The following KATNIP variants were observed in gnomAD, a reference collection of about 807,000 sequenced individuals.
KATNIP encodes the protein katanin interacting protein.
KATNIP carries 126 observed loss-of-function variants against 174.0 expected under a neutral mutation model. That is an observed-to-expected ratio of 0.72 (90% CI 0.63 to 0.84). KATNIP has a LOEUF of 0.84. Ranked by LOEUF, KATNIP falls within the 40% of genes least tolerant of loss-of-function variation. The probability of loss-of-function intolerance (pLI) is 0.00; values close to 1 mark genes in which losing one functional copy is unlikely to be tolerated. For missense variants in KATNIP, 1,958 were observed against 2,109.7 expected (o/e 0.93, Z 1.41); for synonymous variants, 810 against 835.7 (o/e 0.97, Z 0.53).
At chr16:27,700,886 G>A (rs1488544268) in intron 10 of KATNIP, among the ~76,000 whole-genome samples, 1 of 152,212 alleles carries the variant, frequency 6.6e-6, no homozygotes, top group East Asian at 1.9e-4. Context: ...TCTGCCACTA[G>A]CCTGTGTTTC....
chr16:27,643,599 A>G (rs2076868915), intron 5 of KATNIP, among the ~76,000 whole-genome samples: 1 of 146,296 alleles, frequency 6.8e-6, no homozygotes, highest in Non-Finnish European at 1.5e-5. Context: ...TCAAAAAAAA[A>G]AAAAAAAAAA....
At chr16:27,575,308 A>G (rs553189546) in intron 2 of KATNIP, among the ~76,000 whole-genome samples, 15 of 152,356 alleles carry the variant, frequency 9.8e-5, no homozygotes, top group African/African-American at 3.4e-4. Flanking sequence ...TGAATAAGGA[A>G]GGTTGCAAGA....
chr16:27,738,086 C>T, intron 14 of KATNIP, among the ~76,000 whole-genome samples: 1 of 152,148 alleles, frequency 6.6e-6, no homozygotes, highest in East Asian at 1.9e-4. Flanking sequence ...ATGGAATATT[C>T]CTTAGCAGTA....
intron 6 of KATNIP, among the ~76,000 whole-genome samples, chr16:27,660,581 A>G (rs1213946234): frequency 6.6e-6 from 1 of 151,136 alleles, no homozygotes; most frequent in African/African-American, 2.4e-5. Flanking sequence ...CAACAAATCC[A>G]TCGATGGGAG....
chr16:27,716,581 GTA>G (rs961879716), intron 13 of KATNIP, among the ~76,000 whole-genome samples: 2 of 151,984 alleles, frequency 1.3e-5, no homozygotes, highest in African/African-American at 4.8e-5. Flanking sequence ...CTTGACATTG[GTA>G]TAATGTACAG....
chr16:27,691,263 C>T (rs2078723683), intron 8 of KATNIP, among the ~76,000 whole-genome samples: 1 of 152,202 alleles, frequency 6.6e-6, no homozygotes, highest in Non-Finnish European at 1.5e-5. Context: ...TGGTAAATTT[C>T]CTGAATTGAT....
chr16:27,725,923 G>A (rs12918071), intron 14 of KATNIP, among the ~76,000 whole-genome samples: 27,442 of 152,062 alleles, frequency 0.18, 2,781 homozygotes, highest in African/African-American at 0.28. Context: ...TTTGATAAAT[G>A]AATGCTACAT....
At chr16:27,657,064 T>C (rs554017775) in intron 6 of KATNIP, among the ~76,000 whole-genome samples, 4 of 152,250 alleles carry the variant, frequency 2.6e-5, no homozygotes, top group African/African-American at 4.8e-5. Flanking sequence ...TGAACTATAT[T>C]ATATTAGATA....
At chr16:27,679,273 G>A (rs2142779493) in intron 7 of KATNIP, among the ~76,000 whole-genome samples, 1 of 152,236 alleles carries the variant, frequency 6.6e-6, no homozygotes, top group African/African-American at 2.4e-5. Context: ...CTTGTAGACA[G>A]CCATCTTCTC....
intron 19 of KATNIP, among the ~76,000 whole-genome samples, chr16:27,765,957 C>T (rs2082106777): frequency 6.6e-6 from 1 of 151,924 alleles, no homozygotes; most frequent in South Asian, 2.1e-4. Flanking sequence ...ATATTGAATA[C>T]ATTTTCCTTC....
At position 27,775,003 on chromosome 16, in the gene KATNIP, C is replaced by A; in HGVS notation, c.4368C>A (p.Arg1456=). The A allele has an allele frequency of 6.2e-7, 1 of 1,613,812 alleles. No individual in the cohort carries two copies. The highest frequency in any genetic ancestry group is 1.1e-5 in the South Asian group (1 of 91,062). Residue 1456 remains arginine (R), a synonymous_variant, in exon 24 of 28, where the codon CGC becomes CGA. Transcript: ENST00000261588. ...TGGAGGGTGTGGGCGGGGACGTCCGCACCCCAGACAAGCTCATCGACCAAG... is the reference window on the plus strand; with the variant it reads ...TGGAGGGTGTGGGCGGGGACGTCCGAACCCCAGACAAGCTCATCGACCAAG... ...NSLEGVGGDV[R]TPDKLIDQVN...
At position 27,750,118 on chromosome 16, in the gene KATNIP, C is replaced by G. The variant is rs199699389; in HGVS notation, c.3158C>G (p.Thr1053Arg). The G allele has an allele frequency of 1.2e-6, 2 of 1,614,146 alleles. No individual in the cohort carries two copies. The highest frequency in any genetic ancestry group is 4.5e-5 in the East Asian group (2 of 44,866). Residue 1053 changes from threonine to arginine, a missense_variant, in exon 16 of 28, where the codon ACG becomes AGG. Physicochemically the swap from Thr to Arg is moderately conservative, Grantham distance 71. This residue lies in a region of KATNIP where 1,557 missense variants were observed against 1,617.8 expected (regional missense o/e 0.96). Coordinates refer to ENST00000261588, the MANE Select transcript of KATNIP (RefSeq NM_015202.5). ...ATGCATGTCTGGCTGGCCCCCTTCA[C>G]GCGGGGCAGATCCCACTCCATCACC... is the stretch of plus-strand genomic sequence containing the variant. ...DDMHVWLAPF[T>R]RGRSHSITID... is the part of the protein sequence containing the mutation.
chr16:27,632,135 T>G (rs2076507355), intron 5 of KATNIP, among the ~76,000 whole-genome samples: 2 of 152,228 alleles, frequency 1.3e-5, no homozygotes, highest in African/African-American at 2.4e-5. Context: ...TAGTTCTGGA[T>G]ATTTTACCTC....
chr16:27,659,147 G>T (rs970603610), intron 6 of KATNIP, among the ~76,000 whole-genome samples: 6 of 152,122 alleles, frequency 3.9e-5, no homozygotes, highest in African/African-American at 1.4e-4. Context: ...CTTTTAAGAA[G>T]ACAAGGAAGT....
intron 6 of KATNIP, among the ~76,000 whole-genome samples, chr16:27,669,620 G>A (rs1214330011): frequency 7.2e-5 from 11 of 152,220 alleles, no homozygotes; most frequent in Admixed American, 7.2e-4. Context: ...CATCTTTCCA[G>A]ATGGAAAGGT....
In KATNIP at chr16:27,771,617, G is replaced by A. The variant is rs962372345; in HGVS notation, c.4163G>A (p.Ser1388Asn). 4.3e-6 allele frequency: 7 copies of A among 1,613,510 alleles called. No homozygotes were observed. The African/African-American group carries it at 5.3e-5, about 12-fold the overall frequency. The change falls in exon 22 of 28, where the codon AGC becomes AAC. Residue 1388 changes from serine (S) to asparagine (N), a missense_variant. Around this residue, in one of 3 missense-constraint regions of KATNIP, gnomAD observed 383 missense variants for 456.0 expected, o/e 0.84. Coordinates refer to ENST00000261588, the MANE Select transcript of KATNIP (RefSeq NM_015202.5). ...GACATGAGAAGCCTGGAGTGTGCAAGCATGGACTACGAGGCACCGCTGATG... is the reference window on the plus strand; with the variant it reads ...GACATGAGAAGCCTGGAGTGTGCAAACATGGACTACGAGGCACCGCTGATG... The part of the protein sequence containing the change: ...RLDMRSLECA[S>N]MDYEAPLMPC...
intron 13 of KATNIP, among the ~76,000 whole-genome samples, chr16:27,720,423 G>A (rs959772518): frequency 6.6e-6 from 1 of 151,438 alleles, no homozygotes; most frequent in African/African-American, 2.4e-5. Context: ...TAATGAAAGG[G>A]CAGACATTAG....
At chr16:27,701,778 C>G (rs2079108245) in intron 11 of KATNIP, 83 bp downstream of exon 11, 1 of 994,082 alleles carries the variant, frequency 1.0e-6, no homozygotes, top group East Asian at 2.7e-5. Context: ...CTTTGCTTTT[C>G]CTACGTTTTT....
At position 27,696,354 on chromosome 16, in the gene KATNIP, C is replaced by T. The variant is rs2078911304; in HGVS notation, c.941-1974C>T. 2.0e-5 allele frequency among the ~76,000 whole-genome samples: 3 copies of T among 151,570 alleles called. No homozygotes were observed. In the South Asian group the frequency reaches 6.2e-4, roughly 31 times the overall value. ...TTATTTTTTATTTTTATTTTTTTAA[C>T]TTTGAGTTTCAGGAATACATGTGCA... On this transcript the variant is annotated intron_variant, in intron 8 of 27. Coordinates refer to ENST00000261588, the MANE Select transcript of KATNIP (RefSeq NM_015202.5).
Sources: gnomAD v4.1 joint callset for allele counts (sites outside exome capture counted in the v4.1 genomes callset) on GRCh38, gnomAD v4.1.1 for gene constraint, gnomAD v4.1.1 regional missense constraint, MANE v1.5 for transcripts, NCBI Gene and HGNC (gene_info 2026-07-23, HGNC 2026-07-21) for gene names.